The following ATG7 variants were observed in gnomAD, a reference collection of about 807,000 sequenced individuals.
ATG7 encodes the protein ubiquitin-like modifier-activating enzyme ATG7.
In ATG7, 70 loss-of-function variants were observed where a neutral mutation model predicts 82.4. The observed-to-expected ratio is 0.85, with a 90% CI of 0.70 to 1.04. ATG7 has a LOEUF of 1.04. Among genes scored for constraint, ATG7 ranks in the 50% least tolerant of loss-of-function variants. The pLI is 0.00. For missense variants in ATG7, 792 were observed against 864.3 expected (o/e 0.92, Z 1.05); for synonymous variants, 287 against 313.0 (o/e 0.92, Z 0.88).
intron 20 of ATG7, among the ~76,000 whole-genome samples, chr3:11,541,125 C>A (rs535966933): frequency 6.6e-6 from 1 of 152,292 alleles, no homozygotes; most frequent in East Asian, 1.9e-4. Flanking sequence ...TGGTCTCGAT[C>A]TCCTGACTTC....
intron 9 of ATG7, among the ~76,000 whole-genome samples, chr3:11,324,143 C>T (rs983080371): frequency 6.6e-6 from 1 of 152,202 alleles, no homozygotes; most frequent in Non-Finnish European, 1.5e-5. Flanking sequence ...CGTTGAGCTT[C>T]TTTCTGCTGA....
At chr3:11,491,502 C>A (rs2090351904) in intron 20 of ATG7, among the ~76,000 whole-genome samples, 1 of 152,198 alleles carries the variant, frequency 6.6e-6, no homozygotes, top group Admixed American at 6.5e-5. Context: ...CAGCTTTGTT[C>A]CATTGCTGGT....
intron 20 of ATG7, among the ~76,000 whole-genome samples, chr3:11,443,365 A>G (rs1484215242): frequency 6.6e-6 from 1 of 152,168 alleles, no homozygotes; most frequent in Non-Finnish European, 1.5e-5. Flanking sequence ...AGCACCATGC[A>G]TGTTTGAGGT....
At chr3:11,575,360 A>T in the ATG7 span, among the ~76,000 whole-genome samples, 2 of 152,194 alleles carry the variant, frequency 1.3e-5, no homozygotes, top group Non-Finnish European at 2.9e-5. Flanking sequence ...ACAGTCATTA[A>T]ATCAGCATAG....
intron 20 of ATG7, among the ~76,000 whole-genome samples, chr3:11,509,247 C>A (rs1237394265): frequency 6.6e-6 from 1 of 152,178 alleles, no homozygotes; most frequent in East Asian, 1.9e-4. Context: ...ACTTAGAGGC[C>A]AACTTGGTTG....
chr3:11,297,021 C>G (rs763898833), intron 3 of ATG7, among the ~76,000 whole-genome samples: 1 of 152,176 alleles, frequency 6.6e-6, no homozygotes, highest in African/African-American at 2.4e-5. Context: ...GCACAAAACT[C>G]AAGCAAAACC....
intron 19 of ATG7, among the ~76,000 whole-genome samples, chr3:11,418,698 G>T (rs2081641634): frequency 6.6e-6 from 1 of 152,144 alleles, no homozygotes; most frequent in African/African-American, 2.4e-5. Context: ...TGTCTCTCCA[G>T]TTCTGGGAGC....
the ATG7 span, among the ~76,000 whole-genome samples, chr3:11,566,699 C>T: frequency 6.6e-6 from 1 of 152,196 alleles, no homozygotes; most frequent in African/African-American, 2.4e-5. Context: ...CCGTCCTGCG[C>T]TGCCAACCAC....
At chr3:11,383,844 G>A (rs1235628534) in intron 19 of ATG7, among the ~76,000 whole-genome samples, 1 of 152,176 alleles carries the variant, frequency 6.6e-6, no homozygotes, top group Non-Finnish European at 1.5e-5. Flanking sequence ...AATAAACCTA[G>A]AACCTTCAGT....
intron 13 of ATG7, among the ~76,000 whole-genome samples, chr3:11,345,085 T>C (rs568693454): frequency 3.4e-4 from 52 of 152,176 alleles, no homozygotes; most frequent in African/African-American, 1.2e-3. Flanking sequence ...AATTCAGTTA[T>C]AAATCCGTCT....
intron 20 of ATG7, among the ~76,000 whole-genome samples, chr3:11,532,567 T>C (rs961165945): frequency 5.9e-5 from 9 of 152,018 alleles, no homozygotes; most frequent in Non-Finnish European, 1.2e-4. Context: ...TTCATAAAAT[T>C]CAAAAATTAG....
intron 3 of ATG7, chr3:11,290,474 T>C (rs1433093600): frequency 1.0e-5 from 3 of 289,978 alleles, no homozygotes; most frequent in South Asian, 5.6e-5. Context: ...CTTCCACCTG[T>C]TTCTGCAGCC....
rs2072437116 is a variant in ATG7, at chr3:11,556,606, A to AT, written c.*1763_*1764insT. 6.6e-6 allele frequency: 1 copy of AT among 152,540 alleles called. No individual in the cohort carries two copies. The highest frequency in any genetic ancestry group is 2.1e-4 in the South Asian group (1 of 4,822). 9.4% of individuals were successfully genotyped at this position (152,540 alleles called of 1,614,324 possible). ...TACAGACAAATCTACGACAAAAAAAAAGATCAACTTTTTTTTTCCGAACAA... is the reference window on the plus strand; with the variant it reads ...TACAGACAAATCTACGACAAAAAAAATAGATCAACTTTTTTTTTCCGAACAA... On this transcript the variant is annotated 3_prime_UTR_variant, in exon 21 of 21. Transcript: ENST00000693202.
chr3:11,337,102 T>G (rs959132612), intron 11 of ATG7, among the ~76,000 whole-genome samples: 3 of 152,184 alleles, frequency 2.0e-5, no homozygotes, highest in Non-Finnish European at 4.4e-5. Context: ...TAACTCTGTT[T>G]TTTCTTGTGC....
intron 20 of ATG7, among the ~76,000 whole-genome samples, chr3:11,455,306 C>G (rs2152990837): frequency 6.6e-6 from 1 of 152,286 alleles, no homozygotes; most frequent in Middle Eastern, 3.4e-3. Flanking sequence ...ATTCCATGTC[C>G]TTACCCAGTA....
chr3:11,340,622 C>G lies in ATG7; in HGVS notation c.890-23C>G, dbSNP rs746916664. The G allele has an allele frequency of 1.3e-5, 20 of 1,597,506 alleles. No homozygotes were observed. The African/African-American group carries it at 2.3e-4, about 18-fold the overall frequency. On this transcript the variant is annotated intron_variant, in intron 11 of 20. Coordinates refer to ENST00000693202, the MANE Select transcript of ATG7 (RefSeq NM_001349232.2). ...TTTTATTCTTCCCTCCTTCATTAAACTTTGTGTTTTATTTGCCTTAAGATT... is the reference window on the plus strand; with the variant it reads ...TTTTATTCTTCCCTCCTTCATTAAAGTTTGTGTTTTATTTGCCTTAAGATT...
chr3:11,558,945 G>A (rs976209111), downstream of ATG7: 2 of 1,271,146 alleles, frequency 1.6e-6, no homozygotes, highest in African/African-American at 1.5e-5. Context: ...GTCAGCGTGG[G>A]CTCTGCAGAC....
intron 20 of ATG7, among the ~76,000 whole-genome samples, chr3:11,502,584 A>G (rs985903966): frequency 6.6e-6 from 1 of 151,598 alleles, no homozygotes; most frequent in South Asian, 2.1e-4. Flanking sequence ...ATAGTATTCC[A>G]TGGTGTATAT....
At chr3:11,367,364 A>G (rs535842309) in intron 18 of ATG7, among the ~76,000 whole-genome samples, 4 of 152,268 alleles carry the variant, frequency 2.6e-5, no homozygotes, top group Admixed American at 2.0e-4. Context: ...AGACCAGTGA[A>G]GTTTACTGGG....
Sources: allele counts gnomAD v4.1 joint callset (sites outside exome capture counted in the v4.1 genomes callset), GRCh38; gene constraint gnomAD v4.1.1; transcripts MANE v1.5; gene names NCBI Gene and HGNC (gene_info 2026-07-23, HGNC 2026-07-21).